CHD6: variants seen among roughly 807,000 people sequenced by gnomAD.
CHD6 encodes ATP-dependent chromatin remodeler CHD6.
A neutral mutation model predicts 276.9 loss-of-function variants in CHD6; 50 were observed. The observed-to-expected ratio is 0.18, with a 90% confidence interval of 0.14 to 0.23. CHD6 has a LOEUF of 0.23. Among genes scored for constraint, CHD6 ranks in the 10% least tolerant of loss-of-function variants. The probability of loss-of-function intolerance (pLI) is 1.00; values close to 1 mark genes in which losing one functional copy is unlikely to be tolerated. For missense variants in CHD6, 2,564 were observed against 3,365.8 expected (o/e 0.76, Z 5.89); for synonymous variants, 1,173 against 1,229.3 (o/e 0.95, Z 0.96).
At chr20:41,508,223 T>G (rs2044025083) in intron 5 of CHD6, among the ~76,000 whole-genome samples, 1 of 152,100 alleles carries the variant, frequency 6.6e-6, no homozygotes, top group African/African-American at 2.4e-5. Flanking sequence ...GGATGTATGA[T>G]GCATATTTAG....
In CHD6 at chr20:41,452,840, A is replaced by G. The variant is rs780664580; in HGVS notation, c.3223T>C (p.Ser1075Pro). Residue 1075 changes from serine to proline, a missense_variant, in exon 21 of 37, where the codon TCA (serine) becomes CCA (proline). Physicochemically the swap from Ser to Pro is moderately conservative, Grantham distance 74. Transcript: ENST00000373233. This position sits in a 1 kb window ranked among gnomAD's most constrained non-coding sequence, Gnocchi z 4.2. ...CTGGATCTCGTGGGCCTTTCGTCTG[A>G]GTCGCTGTCTAACTCTGAAAACTCC... ...LMEFSELDSD[S>P]DERPTRSRRL... 1 of 1,613,330 alleles carries G rather than the reference A, an allele frequency of 6.2e-7. No individual in the cohort carries two copies. The highest frequency in any genetic ancestry group is 8.5e-7 in the Non-Finnish European group (1 of 1,179,878).
chr20:41,550,136 CACTAGGTGGGTGTGCTATGATTTGA>C (rs1207236745), intron 2 of CHD6, among the ~76,000 whole-genome samples: 1 of 152,146 alleles, frequency 6.6e-6, no homozygotes, highest in Non-Finnish European at 1.5e-5. Context: ...CATAATATTC[CACTAGGTGGGTGTGCTATGATTTGA>C]ACAGTCCCCT....
chr20:41,521,266 T>A (rs1355454544), intron 3 of CHD6, among the ~76,000 whole-genome samples: 1 of 152,228 alleles, frequency 6.6e-6, no homozygotes, highest in Non-Finnish European at 1.5e-5. Flanking sequence ...TTTGACTACA[T>A]ATTCTCCACT....
chr20:41,574,142 T>TG (rs1384228395), intron 1 of CHD6, among the ~76,000 whole-genome samples: 1 of 7,704 alleles, frequency 1.3e-4, no homozygotes, highest in Non-Finnish European at 2.4e-4. Context: ...GGAAGGGAAG[T>TG]GGGGGTGGGG....
intron 27 of CHD6, among the ~76,000 whole-genome samples, chr20:41,435,212 G>C (rs1007422048): frequency 2.6e-5 from 4 of 152,044 alleles, no homozygotes; most frequent in African/African-American, 9.7e-5. Context: ...CATAACTAAA[G>C]CAATGCCGAG....
In CHD6 at chr20:41,447,910, C is replaced by G; in HGVS notation, c.3745G>C (p.Glu1249Gln). The G allele has an allele frequency of 6.2e-7, 1 of 1,612,010 alleles. No homozygotes were observed. The highest frequency in any genetic ancestry group is 1.3e-5 in the African/African-American group (1 of 74,966). ...GCAGGAGATCCTTCAAATGCTTTCT[C>G]AGCTGCTTCTCCCAGTATTTCAGCT... ...LKAEILGEAA[E>Q]KAFEGSPARE... is the part of the protein sequence containing the mutation. The change falls in exon 24 of 37, where the codon GAG becomes CAG. Residue 1249 changes from glutamate (E) to glutamine (Q), a missense_variant. Around this residue, in one of 7 missense-constraint regions of CHD6, gnomAD observed 515 missense variants for 739.5 expected, o/e 0.70. Transcript: ENST00000373233.
chr20:41,481,556 T>C (rs931948665), intron 16 of CHD6, among the ~76,000 whole-genome samples: 1 of 151,986 alleles, frequency 6.6e-6, no homozygotes, highest in African/African-American at 2.4e-5. Context: ...AAAAACAATA[T>C]TGATCAGAAT....
intron 14 of CHD6, chr20:41,485,864 T>C (rs1462879069): frequency 6.6e-6 from 1 of 152,316 alleles, no homozygotes; most frequent in East Asian, 1.9e-4. Context: ...AAGCATGTGC[T>C]AATTAGCTCT....
chr20:41,418,186 G>A (rs150845620), intron 31 of CHD6, among the ~76,000 whole-genome samples: 63 of 152,296 alleles, frequency 4.1e-4, no homozygotes, highest in African/African-American at 1.4e-3. Flanking sequence ...GACAGATACC[G>A]CCCAGGTCCT....
chr20:41,452,623 C>A lies in CHD6; in HGVS notation c.3323+117G>T. 1.1e-6 allele frequency: 1 copy of A among 888,352 alleles called. No homozygotes were observed. Among genetic ancestry groups the A allele is most frequent in the East Asian group, 2.5e-5 (1 of 40,288 alleles). 55.0% of individuals were successfully genotyped at this position (888,352 alleles called of 1,614,324 possible). On this transcript the variant is annotated intron_variant, in intron 21 of 36. Transcript: ENST00000373233. The surrounding 1 kb of genome is among the most constrained non-coding windows in gnomAD (Gnocchi z 4.2). ...GTTCTCTCTTGCTCCAACAGATCCC[C>A]CTTTGCCCTATAATTCCAAAGGTGA...
At chr20:41,454,552 G>A in intron 20 of CHD6, 74 bp downstream of exon 20, 1 of 1,147,504 alleles carries the variant, frequency 8.7e-7, no homozygotes, top group Non-Finnish European at 1.3e-6. Flanking sequence ...ATAATGACTT[G>A]AGCTGTGTAG....
At chr20:41,450,799 G>T in intron 23 of CHD6, 147 bp downstream of exon 23, 2 of 752,838 alleles carry the variant, frequency 2.7e-6, no homozygotes, top group East Asian at 2.5e-5. Context: ...TTCTGAGCCA[G>T]CTTAGACCAC....
intron 25 of CHD6, 89 bp from the exon 26 acceptor site, chr20:41,440,218 G>T: frequency 8.4e-7 from 1 of 1,190,834 alleles, no homozygotes; most frequent in African/African-American, 1.5e-5. Context: ...TCCTTATTTA[G>T]TAAAGAACAA....
At chr20:41,527,514 T>A (rs1310237786) in intron 3 of CHD6, among the ~76,000 whole-genome samples, 1 of 152,112 alleles carries the variant, frequency 6.6e-6, no homozygotes, top group Non-Finnish European at 1.5e-5. Flanking sequence ...GACCTACTCC[T>A]CAGATACTCA....
chr20:41,434,813 C>T (rs1307069757), intron 27 of CHD6, among the ~76,000 whole-genome samples: 6 of 152,130 alleles, frequency 3.9e-5, no homozygotes, highest in Admixed American at 1.3e-4. Context: ...ACTGATGAAA[C>T]GACTAGACAG....
At chr20:41,410,214 C>A (rs747098640) in intron 36 of CHD6, among the ~76,000 whole-genome samples, 1 of 152,074 alleles carries the variant, frequency 6.6e-6, no homozygotes, top group African/African-American at 2.4e-5. Context: ...TAATAGGATG[C>A]GGGGGGTTTA....
intron 1 of CHD6, among the ~76,000 whole-genome samples, chr20:41,558,747 C>T (rs1373121788): frequency 6.6e-6 from 1 of 152,096 alleles, no homozygotes; most frequent in Non-Finnish European, 1.5e-5. Context: ...TCTTGATTAC[C>T]TCCCAGTTAC....
At chr20:41,586,666 A>C (rs891549268) in intron 1 of CHD6, among the ~76,000 whole-genome samples, 1 of 152,240 alleles carries the variant, frequency 6.6e-6, no homozygotes, top group Non-Finnish European at 1.5e-5. Context: ...TAGGAATGCA[A>C]GAGTGAGTCA....
intron 17 of CHD6, among the ~76,000 whole-genome samples, chr20:41,466,645 C>T (rs2042926936): frequency 6.6e-6 from 1 of 152,128 alleles, no homozygotes; most frequent in Admixed American, 6.5e-5. Flanking sequence ...TAAGTACTGA[C>T]CCTGATTTCT....
Sources: gnomAD v4.1 joint callset for allele counts (sites outside exome capture counted in the v4.1 genomes callset) on GRCh38, gnomAD v4.1.1 for gene constraint, gnomAD v4.1.1 regional missense constraint, Gnocchi (gnomAD v3.1) non-coding constraint, MANE v1.5 for transcripts, NCBI Gene and HGNC (gene_info 2026-07-23, HGNC 2026-07-21) for gene names.